Variants in MON2 observed in about 807,000 individuals in gnomAD.
MON2 encodes the protein protein MON2 homolog.
A neutral mutation model predicts 208.6 loss-of-function variants in MON2; 84 were observed. The ratio of observed to expected loss-of-function variants is 0.40; its 90% CI spans 0.34 to 0.48. The LOEUF is 0.48. Ranked by LOEUF, MON2 falls within the 20% of genes least tolerant of loss-of-function variation. The probability of loss-of-function intolerance (pLI) is 0.59; values close to 1 mark genes in which losing one functional copy is unlikely to be tolerated. For synonymous variants in MON2, 660 were observed against 694.0 expected, an observed-to-expected ratio of 0.95 and a Z score of 0.77; for missense variants, 1,611 against 2,015.4, an observed-to-expected ratio of 0.80 and a Z score of 3.84.
intron 8 of MON2, among the ~76,000 whole-genome samples, chr12:62,522,268 T>A (rs1245348979): frequency 6.6e-6 from 1 of 152,208 alleles, no homozygotes; most frequent in Non-Finnish European, 1.5e-5. Flanking sequence ...GAGGCTAAAT[T>A]GCCTTGTCCA....
intron 21 of MON2, 93 bp downstream of exon 21, chr12:62,545,101 A>AGATTATGTTAAAAT: frequency 1.4e-6 from 1 of 734,034 alleles, no homozygotes. Context: ...ATCATATTCT[A>AGATTATGTTAAAAT]AGAGTAGGGT....
chr12:62,581,460 G>A (rs2075001947), intron 32 of MON2, among the ~76,000 whole-genome samples: 1 of 152,186 alleles, frequency 6.6e-6, no homozygotes, highest in African/African-American at 2.4e-5. Context: ...GGTGGCTGAA[G>A]TGGGATGGCT....
At chr12:62,567,640 C>CT (rs1369227057) in intron 29 of MON2, among the ~76,000 whole-genome samples, 2 of 152,180 alleles carry the variant, frequency 1.3e-5, no homozygotes, top group Non-Finnish European at 2.9e-5. Context: ...CTCCTCACTG[C>CT]TTACCTCACC....
intron 10 of MON2, 114 bp from the exon 11 acceptor site, chr12:62,525,835 C>T (rs528792165): frequency 7.3e-6 from 6 of 823,326 alleles, no homozygotes; most frequent in African/African-American, 1.7e-5. Context: ...CTGCAATACC[C>T]ATTCTGATAG....
rs2073818489 is a variant in MON2, at chr12:62,553,115, A to G, written c.3151A>G (p.Thr1051Ala). The G allele has an allele frequency of 6.2e-7, 1 of 1,614,068 alleles. No homozygotes were observed. The highest frequency in any genetic ancestry group is 8.5e-7 in the Non-Finnish European group (1 of 1,180,020). Residue 1051 changes from threonine (T) to alanine (A), a missense_variant, in exon 24 of 35, where the codon ACA (threonine) becomes GCA (alanine). Coordinates refer to ENST00000393630, the MANE Select transcript of MON2 (RefSeq NM_015026.3). The part of the protein sequence containing the change: ...RKSAGQTLFS[T>A]IGAHGTLLQH... The stretch of plus-strand genomic sequence containing the variant: ...GAGTGCAGGGCAAACTCTGTTTTCT[A>G]CAATTGGTGCGCATGGAACTTTATT...
At chr12:62,555,098 C>T (rs2073908890) in intron 24 of MON2, among the ~76,000 whole-genome samples, 1 of 151,978 alleles carries the variant, frequency 6.6e-6, no homozygotes, top group Non-Finnish European at 1.5e-5. Context: ...GCCTGGCCAG[C>T]TTTGTTCTTT....
Position 62,588,930 on chromosome 12 carries a change from C to A in MON2, c.4990+774C>A, listed in dbSNP as rs778982777. On this transcript the variant is annotated intron_variant, in intron 34 of 34. Transcript: ENST00000393630. ...AATCTCTTAAAGGTAAATAATTTTT[C>A]TTTTCATTGAATGCAAAGCTTTTTT... The A allele has an allele frequency of 1.4e-5, 19 of 1,405,296 alleles. No homozygotes were observed. The African/African-American group carries it at 2.2e-4, about 16-fold the overall frequency. The allele number at this position is 1,405,296 out of a possible 1,614,324, so 87.1% of individuals were successfully genotyped here. A position where few individuals can be genotyped will look rare whatever the true frequency, so the allele number is the denominator to read the frequency against.
At chr12:62,514,606 T>C (rs1397497184) in intron 8 of MON2, among the ~76,000 whole-genome samples, 1 of 152,162 alleles carries the variant, frequency 6.6e-6, no homozygotes, top group Admixed American at 6.5e-5. Context: ...TCCCCATGAT[T>C]CAATTACCTC....
chr12:62,534,484 A>G (rs1162336419), intron 12 of MON2, among the ~76,000 whole-genome samples: 2 of 133,256 alleles, frequency 1.5e-5, no homozygotes, highest in Non-Finnish European at 3.1e-5. Context: ...ATGCCACTGC[A>G]CTCCAGCCTG....
Position 62,580,389 on chromosome 12 carries a change from C to G in MON2, c.4668C>G (p.Gly1556=), listed in dbSNP as rs1383427062. Residue 1556 remains glycine, a synonymous_variant, in exon 32 of 35, where the codon GGC becomes GGG. Transcript: ENST00000393630. ...AAATAATGACAATGCTTAACAAGGG[C>G]TCAATACATTCTCAGTCATCTTCAT... The part of the protein sequence containing the change: ...VGQIMTMLNK[G]SIHSQSSSFT... The G allele has an allele frequency of 1.9e-6, 3 of 1,606,404 alleles. No individual in the cohort carries two copies. Among genetic ancestry groups the G allele is most frequent in the Non-Finnish European group, 2.6e-6 (3 of 1,174,128 alleles).
At chr12:62,549,643 C>T (rs1565673844) in intron 22 of MON2, 25 bp from the exon 23 acceptor site, 1 of 1,560,512 alleles carries the variant, frequency 6.4e-7, no homozygotes, top group African/African-American at 1.4e-5. Flanking sequence ...ATAAGTGCAT[C>T]TGTATACATT....
intron 8 of MON2, among the ~76,000 whole-genome samples, chr12:62,516,370 G>A (rs1410052323): frequency 6.6e-6 from 1 of 152,012 alleles, no homozygotes; most frequent in African/African-American, 2.4e-5. Flanking sequence ...GTATTTGATA[G>A]CACAACAGGG....
chr12:62,572,654 C>T (rs2074636757), intron 30 of MON2, among the ~76,000 whole-genome samples: 1 of 152,088 alleles, frequency 6.6e-6, no homozygotes, highest in African/African-American at 2.4e-5. Context: ...CACTGTGTTG[C>T]CTAGGTGTCT....
intron 13 of MON2, 62 bp from the exon 14 acceptor site, chr12:62,535,463 T>C: frequency 8.1e-7 from 1 of 1,238,048 alleles, no homozygotes; most frequent in South Asian, 1.7e-5. Context: ...TAATTCCACA[T>C]CATGCTTTAC....
chr12:62,572,129 G>A (rs1438439820), intron 30 of MON2, among the ~76,000 whole-genome samples: 1 of 152,134 alleles, frequency 6.6e-6, no homozygotes, highest in Non-Finnish European at 1.5e-5. Flanking sequence ...AATTTGCTGA[G>A]GTCCATCTAG....
chr12:62,513,960 AG>A (rs886494044), intron 8 of MON2, among the ~76,000 whole-genome samples: 3 of 145,206 alleles, frequency 2.1e-5, no homozygotes, highest in African/African-American at 5.0e-5. Context: ...AAAAAAAAAA[AG>A]AAAGAAAGAA....
At chr12:62,545,047 T>C (rs1185504674) in intron 21 of MON2, 39 bp downstream of exon 21, 1 of 1,319,176 alleles carries the variant, frequency 7.6e-7, no homozygotes, top group East Asian at 2.4e-5. Context: ...ATACTCAATA[T>C]AAAATTATCC....
rs1160662025 is a variant in MON2 at position 62,597,835 on chromosome 12, T to C, written c.*5086T>C. ...TGGGAAGCCAAGGTGGGAGTATCACTTGAGGCCAGGAGTTTGAGACTAGCC... is the reference window on the plus strand; with the variant it reads ...TGGGAAGCCAAGGTGGGAGTATCACCTGAGGCCAGGAGTTTGAGACTAGCC... On this transcript the variant is annotated 3_prime_UTR_variant, in exon 35 of 35. Coordinates refer to ENST00000393630, the MANE Select transcript of MON2 (RefSeq NM_015026.3). 1 of 152,210 alleles carries C rather than the reference T, an allele frequency of 6.6e-6. No homozygotes were observed. Among genetic ancestry groups the C allele is most frequent in the Non-Finnish European group, 1.5e-5 (1 of 68,044 alleles). 9.4% of individuals were successfully genotyped at this position (152,210 alleles called of 1,614,324 possible). A position where few individuals can be genotyped will look rare whatever the true frequency, so the allele number is the denominator to read the frequency against.
In MON2 at chr12:62,598,451, T is replaced by G. The variant is rs1335357894; in HGVS notation, c.*5702T>G. On this transcript the variant is annotated 3_prime_UTR_variant, in exon 35 of 35. Coordinates refer to ENST00000393630, the MANE Select transcript of MON2 (RefSeq NM_015026.3). ...TAGATGGAGAAAAATACTCCATACC[T>G]ATATTGCAATTTTATTTTTATCTAG... 3 of 152,142 alleles carry G rather than the reference T, an allele frequency of 2.0e-5. No homozygotes were observed. The highest frequency in any genetic ancestry group is 1.3e-4 in the Admixed American group (2 of 15,274). The allele number at this position is 152,142 out of a possible 1,614,324, so 9.4% of individuals were successfully genotyped here.
Sources: allele counts gnomAD v4.1 joint callset (sites outside exome capture counted in the v4.1 genomes callset), GRCh38; gene constraint gnomAD v4.1.1; transcripts MANE v1.5; gene names NCBI Gene and HGNC (gene_info 2026-07-23, HGNC 2026-07-21).